The following CHD5 variants were observed in gnomAD, a reference collection of about 807,000 sequenced individuals.
CHD5 encodes ATP-dependent chromatin remodeler CHD5.
CHD5 carries 69 observed loss-of-function variants against 230.3 expected under a neutral mutation model. The observed-to-expected ratio is 0.30, with a 90% CI of 0.25 to 0.37. The LOEUF (loss-of-function observed/expected upper bound fraction) is 0.37. CHD5 is among the 10% of genes least tolerant of loss of function. CHD5 has a pLI of 1.00. For missense variants in CHD5, 1,827 were observed against 2,622.8 expected (o/e 0.70, Z 6.63); for synonymous variants, 1,064 against 1,065.9 (o/e 1.00, Z 0.03).
intron 33 of CHD5, among the ~76,000 whole-genome samples, chr1:6,118,989 T>C (rs2100837725): frequency 6.6e-6 from 1 of 151,402 alleles, no homozygotes; most frequent in Non-Finnish European, 1.5e-5. Flanking sequence ...TGAGCTACCA[T>C]GCCCGACCTG....
At chr1:6,133,576 T>G (rs540936453) in intron 20 of CHD5, among the ~76,000 whole-genome samples, 1 of 152,378 alleles carries the variant, frequency 6.6e-6, no homozygotes, top group African/African-American at 2.4e-5. Flanking sequence ...GTCGGGTACC[T>G]GTCCCTTGAG....
chr1:6,122,238 G>A (rs150497114), intron 31 of CHD5, among the ~76,000 whole-genome samples: 176 of 152,332 alleles, frequency 1.2e-3, no homozygotes, highest in South Asian at 2.1e-3. Flanking sequence ...AGGCCCAACC[G>A]ACGGACCAAG....
rs1571132938 is a variant in CHD5, at chr1:6,104,877, T to A, written c.*597A>T. ...GGACAGCGGCTCCCCAAACCTGCCC[T>A]GTCTGGTGCTGGGAGGCTCCAAGCG... is the stretch of plus-strand genomic sequence containing the variant. On this transcript the variant is annotated 3_prime_UTR_variant, in exon 42 of 42. Transcript: ENST00000262450. 1 of 155,748 alleles carries A rather than the reference T, an allele frequency of 6.4e-6. No homozygotes were observed. Among genetic ancestry groups the A allele is most frequent in the African/African-American group, 2.4e-5 (1 of 41,430 alleles). The allele number at this position is 155,748 out of a possible 1,614,324, so 9.6% of individuals were successfully genotyped here. A position where few individuals can be genotyped will look rare whatever the true frequency, so the allele number is the denominator to read the frequency against.
intron 1 of CHD5, among the ~76,000 whole-genome samples, chr1:6,174,475 A>G (rs1667387934): frequency 6.6e-6 from 1 of 151,518 alleles, no homozygotes; most frequent in Non-Finnish European, 1.5e-5. Context: ...TGATGGATAG[A>G]TGGTGGGTAG....
At chr1:6,123,781 CTG>C (rs1666509378) in intron 31 of CHD5, among the ~76,000 whole-genome samples, 165 bp downstream of exon 31, 1 of 152,130 alleles carries the variant, frequency 6.6e-6, no homozygotes. Context: ...TATCTCGTAA[CTG>C]TCATTAAAAT....
Position 6,159,522 on chromosome 1 carries a change from A to G in CHD5, c.208-7T>C, listed in dbSNP as rs1278565516. ...ATAGCTCATCATTGCTCCCCTGGAA[A>G]AGAAGGGGGACAGTGAGGGCAACAG... On this transcript the variant is annotated splice_polypyrimidine_tract_variant and splice_region_variant and intron_variant, in intron 2 of 41. Coordinates refer to ENST00000262450, the MANE Select transcript of CHD5 (RefSeq NM_015557.3). The G allele has an allele frequency of 1.9e-6, 3 of 1,593,388 alleles. No individual in the cohort carries two copies. The African/African-American group carries it at 4.0e-5, about 21-fold the overall frequency.
In CHD5 at chr1:6,102,275, GAAA is replaced by G. The variant is rs200914257; in HGVS notation, c.*3196_*3198del. 1 of 151,268 alleles carries G rather than the reference GAAA, an allele frequency of 6.6e-6. No individual in the cohort carries two copies. The highest frequency in any genetic ancestry group is 6.8e-5 in the Admixed American group (1 of 14,756). The allele number at this position is 151,268 out of a possible 1,614,324, so 9.4% of individuals were successfully genotyped here. A position where few individuals can be genotyped will look rare whatever the true frequency, so the allele number is the denominator to read the frequency against. Reference sequence around the variant, plus strand: ...TTAAAAAAAAAATCTGAAAATTAAAGAAAAAAAAAACACAACGCCAGTGAGTTT... The same window carrying G: ...TTAAAAAAAAAATCTGAAAATTAAAGAAAAAAACACAACGCCAGTGAGTTT... On this transcript the variant is annotated 3_prime_UTR_variant, in exon 42 of 42. Coordinates refer to ENST00000262450, the MANE Select transcript of CHD5 (RefSeq NM_015557.3).
intron 2 of CHD5, 106 bp downstream of exon 2, chr1:6,168,044 C>A: frequency 7.5e-7 from 1 of 1,336,760 alleles, no homozygotes; most frequent in Admixed American, 2.4e-5. Context: ...CTCTCAGAAA[C>A]CCTCAAACTC....
In CHD5 at chr1:6,128,766, G is replaced by T; in HGVS notation, c.3619+72C>A. The T allele has an allele frequency of 7.2e-7, 1 of 1,393,218 alleles. No homozygotes were observed. Among genetic ancestry groups the T allele is most frequent in the Non-Finnish European group, 1.0e-6 (1 of 993,522 alleles). 86.3% of individuals were successfully genotyped at this position (1,393,218 alleles called of 1,614,324 possible). The stretch of plus-strand genomic sequence containing the variant: ...TGTGTTGGAGCGGGCAGGGACCCAA[G>T]CAAGCCCTGGATGGGTGTCTCAGCC... On this transcript the variant is annotated intron_variant, in intron 23 of 41. Coordinates refer to ENST00000262450, the MANE Select transcript of CHD5 (RefSeq NM_015557.3). This position sits in a 1 kb window ranked among gnomAD's most constrained non-coding sequence, Gnocchi z 7.8.
chr1:6,124,651 A>G lies in CHD5; in HGVS notation c.4405T>C (p.Ser1469Pro). 1 of 519,676 alleles carries G rather than the reference A, an allele frequency of 1.9e-6. No homozygotes were observed. The highest frequency in any genetic ancestry group is 3.5e-6 in the Non-Finnish European group (1 of 287,256). The allele number at this position is 519,676 out of a possible 1,614,324, so 32.2% of individuals were successfully genotyped here. The change falls in exon 30 of 42, where the codon TCC (serine) becomes CCC (proline). Residue 1469 changes from serine to proline, a missense_variant. Coordinates refer to ENST00000262450, the MANE Select transcript of CHD5 (RefSeq NM_015557.3). ...TCACACAGGTGCCGCATGAAGAGGG[A>G]CACATAGGCTCTGGGGTGGGGGGGG... Reference protein sequence around the residue: ...KSEKEFRAYVSLFMRHLCEPG... With the variant: ...KSEKEFRAYVPLFMRHLCEPG...
chr1:6,141,484 G>A (rs1386104170), intron 15 of CHD5, among the ~76,000 whole-genome samples: 1 of 150,694 alleles, frequency 6.6e-6, no homozygotes, highest in African/African-American at 2.4e-5. Flanking sequence ...CCATGATGGC[G>A]CACTCCTGGA....
intron 15 of CHD5, among the ~76,000 whole-genome samples, chr1:6,138,237 C>T (rs1666774966): frequency 1.3e-5 from 2 of 152,030 alleles, no homozygotes; most frequent in African/African-American, 2.4e-5. Context: ...ATCAGCCAGG[C>T]GTGTTGGTGG....
At position 6,129,637 on chromosome 1, in the gene CHD5, A is replaced by G. The variant is rs913594264; in HGVS notation, c.3387+567T>C. On this transcript the variant is annotated intron_variant, in intron 22 of 41. Coordinates refer to ENST00000262450, the MANE Select transcript of CHD5 (RefSeq NM_015557.3). The surrounding 1 kb of genome is among the most constrained non-coding windows in gnomAD (Gnocchi z 6.8). ...ACATGTGAATGAGACATCAATTTGT[A>G]TGTGTTCCCCTACATTTGTAAGCAT... Among the ~76,000 whole-genome samples the G allele has an allele frequency of 6.6e-6, 1 of 152,124 alleles. No individual in the cohort carries two copies. The highest frequency in any genetic ancestry group is 1.5e-5 in the Non-Finnish European group (1 of 68,010).
At position 6,104,618 on chromosome 1, in the gene CHD5, GCCCCCCC is replaced by G. The variant is rs5772219; in HGVS notation, c.*849_*855del. On this transcript the variant is annotated 3_prime_UTR_variant, in exon 42 of 42. Coordinates refer to ENST00000262450, the MANE Select transcript of CHD5 (RefSeq NM_015557.3). ...CAGCAGTGGCTCCGAGGCAAGTGCT[GCCCCCCC>G]CCCAGCCCACCCTCCCTGGGATCAT... The G allele has an allele frequency of 4.1e-5, 6 of 145,016 alleles. No homozygotes were observed. Among genetic ancestry groups the G allele is most frequent in the Non-Finnish European group, 7.6e-5 (5 of 65,812 alleles). 9.0% of individuals were successfully genotyped at this position (145,016 alleles called of 1,614,324 possible). A position where few individuals can be genotyped will look rare whatever the true frequency, so the allele number is the denominator to read the frequency against.
At chr1:6,113,192 G>A (rs1221783736) in intron 33 of CHD5, 194 bp from the exon 34 acceptor site, 1 of 572,122 alleles carries the variant, frequency 1.7e-6, no homozygotes, top group Non-Finnish European at 3.1e-6. Context: ...GGGAGGCCGA[G>A]GCAGGAGGAT....
rs893846331 is a variant in CHD5 at position 6,160,625 on chromosome 1, C to T, written c.208-1110G>A. On this transcript the variant is annotated intron_variant, in intron 2 of 41. Coordinates refer to ENST00000262450, the MANE Select transcript of CHD5 (RefSeq NM_015557.3). ...TGAAACCTGTAATTAATGCAGCAGG[C>T]ACATCACAGTTTTCTCCATGTGCGG... Among the ~76,000 whole-genome samples the T allele has an allele frequency of 1.0e-4, 16 of 152,420 alleles. No individual in the cohort carries two copies. In the South Asian group the frequency reaches 1.7e-3, roughly 16 times the overall value.
intron 1 of CHD5, among the ~76,000 whole-genome samples, chr1:6,179,648 C>T (rs1354217693): frequency 1.3e-5 from 2 of 149,682 alleles, no homozygotes; most frequent in Admixed American, 6.6e-5. Context: ...AGCGCCGCGC[C>T]CCCCAGCGCA....
Position 6,128,716 on chromosome 1 carries a change from G to C in CHD5, c.3620-107C>G. On this transcript the variant is annotated intron_variant, in intron 23 of 41. Transcript: ENST00000262450. The surrounding 1 kb of genome is among the most constrained non-coding windows in gnomAD (Gnocchi z 7.8). ...TGGGCTGTCCTAGCCAGGAGATACA[G>C]GTGGGGGGTGCAGAAGAGAGGCTGT... 7.9e-7 allele frequency: 1 copy of C among 1,269,870 alleles called. No individual in the cohort carries two copies. Among genetic ancestry groups the C allele is most frequent in the Non-Finnish European group, 1.1e-6 (1 of 886,622 alleles). 78.7% of individuals were successfully genotyped at this position (1,269,870 alleles called of 1,614,324 possible).
In CHD5 at chr1:6,125,950, T is replaced by G. The variant is rs1196201757; in HGVS notation, c.4079-92A>C. 2.3e-6 allele frequency: 2 copies of G among 880,276 alleles called. No homozygotes were observed. Among genetic ancestry groups the G allele is most frequent in the African/African-American group, 1.6e-5 (1 of 60,786 alleles). 54.5% of individuals were successfully genotyped at this position (880,276 alleles called of 1,614,324 possible). A position where few individuals can be genotyped will look rare whatever the true frequency, so the allele number is the denominator to read the frequency against. On this transcript the variant is annotated intron_variant, in intron 26 of 41. Transcript: ENST00000262450. The surrounding 1 kb of genome is among the most constrained non-coding windows in gnomAD (Gnocchi z 6.7). ...CATGCCCAGGGCCACGCCGAGCCCC[T>G]GCACCCCAGCTCCATAAAAAAGCAG...
Sources: allele counts gnomAD v4.1 joint callset (sites outside exome capture counted in the v4.1 genomes callset), GRCh38; gene constraint gnomAD v4.1.1; non-coding constraint Gnocchi (gnomAD v3.1); transcripts MANE v1.5; gene names NCBI Gene and HGNC (gene_info 2026-07-23, HGNC 2026-07-21).